PRKCB: variants seen among roughly 807,000 people sequenced by gnomAD.
PRKCB encodes protein kinase C beta type.
In PRKCB, 13 loss-of-function variants were observed where a neutral mutation model predicts 81.5. That is an observed-to-expected ratio of 0.16 (90% CI 0.10 to 0.25). PRKCB has a LOEUF of 0.25. Among genes scored for constraint, PRKCB ranks in the 10% least tolerant of loss-of-function variants. PRKCB has a pLI of 1.00. For synonymous variants in PRKCB, 335 were observed against 321.4 expected (o/e 1.04, Z -0.45); for missense variants, 509 against 875.7 (o/e 0.58, Z 5.29).
At position 24,021,067 on chromosome 16, in the gene PRKCB, C is replaced by CCTCT. The variant is rs1301848680; in HGVS notation, c.289-11066_289-11065insTCTC. Among the ~76,000 whole-genome samples the CCTCT allele has an allele frequency of 5.2e-4, 34 of 65,376 alleles. 2 individuals are homozygous for CCTCT. The highest frequency in any genetic ancestry group is 1.9e-3 in the African/African-American group (33 of 17,402). 42.9% of individuals were successfully genotyped at this position (65,376 alleles called of 152,430 possible). A position where few individuals can be genotyped will look rare whatever the true frequency, so the allele number is the denominator to read the frequency against. On this transcript the variant is annotated intron_variant, in intron 3 of 16. Coordinates refer to ENST00000643927, the MANE Select transcript of PRKCB (RefSeq NM_002738.7). ...CTTTCTTTCTTTCTTTCCCTCCCTC[C>CCTCT]CTCCCTTCTTTCTTTCTTTCTTTTT... is the stretch of plus-strand genomic sequence containing the variant.
chr16:24,135,723 A>G (rs1447763025), intron 9 of PRKCB, among the ~76,000 whole-genome samples: 2 of 152,184 alleles, frequency 1.3e-5, no homozygotes, highest in Non-Finnish European at 2.9e-5. Context: ...GGCCTTCTCT[A>G]AAGTCTGAGC....
intron 5 of PRKCB, among the ~76,000 whole-genome samples, chr16:24,071,642 G>C (rs919408957): frequency 3.3e-5 from 5 of 151,928 alleles, no homozygotes; most frequent in Non-Finnish European, 1.5e-5. Flanking sequence ...TACCTGCCTG[G>C]CTTGTCCGCT....
chr16:23,950,176 G>A (rs529245705), intron 2 of PRKCB, among the ~76,000 whole-genome samples: 5 of 125,152 alleles, frequency 4.0e-5, no homozygotes, highest in South Asian at 2.8e-4. Flanking sequence ...TCCCTCTAGC[G>A]GCACCAGATG....
chr16:23,924,677 C>T (rs868789705), intron 2 of PRKCB, among the ~76,000 whole-genome samples: 4 of 152,032 alleles, frequency 2.6e-5, no homozygotes, highest in Admixed American at 6.6e-5. Context: ...AAAGGCTCCA[C>T]GTATACCATG....
At chr16:23,908,069 G>A (rs1344910396) in intron 2 of PRKCB, among the ~76,000 whole-genome samples, 1 of 152,180 alleles carries the variant, frequency 6.6e-6, no homozygotes, top group Non-Finnish European at 1.5e-5. Flanking sequence ...CCATCTAGAC[G>A]AGGGAGGTGT....
chr16:24,144,916 A>G (rs925473708), intron 9 of PRKCB, among the ~76,000 whole-genome samples: 3 of 152,236 alleles, frequency 2.0e-5, no homozygotes, highest in Non-Finnish European at 4.4e-5. Context: ...GCCTGCCCTC[A>G]TGGAGCTTCC....
intron 5 of PRKCB, among the ~76,000 whole-genome samples, chr16:24,080,097 G>T (rs1413527719): frequency 6.6e-6 from 1 of 152,082 alleles, no homozygotes; most frequent in African/African-American, 2.4e-5. Flanking sequence ...GCTTTTGAAA[G>T]ATCACTTTGG....
chr16:23,976,047 T>C (rs1964620885), intron 2 of PRKCB, among the ~76,000 whole-genome samples: 1 of 152,140 alleles, frequency 6.6e-6, no homozygotes, highest in Non-Finnish European at 1.5e-5. Context: ...ATGGTAAAGA[T>C]GGCAGATGCA....
intron 2 of PRKCB, among the ~76,000 whole-genome samples, chr16:23,904,804 A>G (rs1015581547): frequency 1.3e-5 from 2 of 152,188 alleles, no homozygotes; most frequent in Admixed American, 6.5e-5. Context: ...GGATTTTTAC[A>G]TAAAAGGCAC....
At chr16:23,884,217 C>G (rs1266808176) in intron 2 of PRKCB, among the ~76,000 whole-genome samples, 5 of 152,110 alleles carry the variant, frequency 3.3e-5, no homozygotes, top group African/African-American at 7.2e-5. Flanking sequence ...GGACTTGAAC[C>G]CTAATTTGAC....
intron 16 of PRKCB, among the ~76,000 whole-genome samples, chr16:24,200,776 ATGT>A (rs936727585): frequency 3.9e-5 from 6 of 152,160 alleles, no homozygotes; most frequent in Non-Finnish European, 8.8e-5. Context: ...TACCAAGATA[ATGT>A]TGTTAAGTTC....
At chr16:23,923,372 G>C (rs1963852866) in intron 2 of PRKCB, among the ~76,000 whole-genome samples, 1 of 151,996 alleles carries the variant, frequency 6.6e-6, no homozygotes, top group Admixed American at 6.6e-5. Flanking sequence ...ATTTCCTCTA[G>C]GTTCAAGTCC....
chr16:23,902,245 GA>G (rs1963485508), intron 2 of PRKCB, among the ~76,000 whole-genome samples: 1 of 151,974 alleles, frequency 6.6e-6, no homozygotes, highest in African/African-American at 2.4e-5. Context: ...AGAAGACAAT[GA>G]AAAAACATTT....
chr16:24,014,086 G>T (rs2141839479), intron 3 of PRKCB, among the ~76,000 whole-genome samples: 2 of 152,358 alleles, frequency 1.3e-5, no homozygotes, highest in African/African-American at 4.8e-5. Flanking sequence ...TGTGCTGAGA[G>T]CTTCTGTGAC....
Position 24,096,665 on chromosome 16 carries a change from AAATATATATATATATATATATATATAT to A in PRKCB, c.821+2370_821+2396del, listed in dbSNP as rs1325718767. 3.3e-4 allele frequency among the ~76,000 whole-genome samples: 13 copies of A among 39,300 alleles called. 1 individual carries two copies. In the East Asian group the frequency reaches 6.7e-3, roughly 20 times the overall value. 25.8% of individuals were successfully genotyped at this position (39,300 alleles called of 152,430 possible). On this transcript the variant is annotated intron_variant, in intron 7 of 16. Coordinates refer to ENST00000643927, the MANE Select transcript of PRKCB (RefSeq NM_002738.7). The stretch of plus-strand genomic sequence containing the variant: ...CCCTTCCTATGGCAAAAAAAAAAAA[AAATATATATATATATATATATATATAT>A]ATATATATATATATCCTCCAATGTT...
At chr16:23,873,646 T>C (rs1333755669) in intron 2 of PRKCB, among the ~76,000 whole-genome samples, 2 of 152,228 alleles carry the variant, frequency 1.3e-5, no homozygotes, top group Non-Finnish European at 2.9e-5. Flanking sequence ...ACTTCTGGGA[T>C]AATCTGATTG....
In PRKCB at chr16:24,169,202, T is replaced by G. The variant is rs138303237; in HGVS notation, c.1240-3068T>G. ...GATTCCAACCTTCTGACTGTATGAATGCTGCTTTGGAGACCCAGTAACTCC... is the reference window on the plus strand; with the variant it reads ...GATTCCAACCTTCTGACTGTATGAAGGCTGCTTTGGAGACCCAGTAACTCC... On this transcript the variant is annotated intron_variant, in intron 10 of 16. Transcript: ENST00000643927. Among the ~76,000 whole-genome samples, 258 of 152,318 alleles carry G rather than the reference T, an allele frequency of 1.7e-3. 3 individuals carry two copies. The highest frequency in any genetic ancestry group is 6.0e-3 in the African/African-American group (249 of 41,582).
At chr16:24,187,585 A>C (rs1567406340) in intron 15 of PRKCB, among the ~76,000 whole-genome samples, 2 of 152,232 alleles carry the variant, frequency 1.3e-5, no homozygotes, top group African/African-American at 2.4e-5. Flanking sequence ...CAACTTTTAA[A>C]GTAGGGGATT....
chr16:24,156,796 G>A (rs868814007), intron 10 of PRKCB, among the ~76,000 whole-genome samples: 10 of 152,208 alleles, frequency 6.6e-5, no homozygotes, highest in Non-Finnish European at 1.5e-4. Context: ...TAAACCTCTA[G>A]GCTCCCCTAC....
Sources: gnomAD v4.1 joint callset for allele counts (sites outside exome capture counted in the v4.1 genomes callset) on GRCh38, gnomAD v4.1.1 for gene constraint, MANE v1.5 for transcripts, NCBI Gene and HGNC (gene_info 2026-07-23, HGNC 2026-07-21) for gene names.